ATRNL1: variants seen among roughly 807,000 people sequenced by gnomAD.
ATRNL1 encodes attractin like 1.
A neutral mutation model predicts 182.7 loss-of-function variants in ATRNL1; 95 were observed. The ratio of observed to expected loss-of-function variants is 0.52; its 90% CI spans 0.44 to 0.62. ATRNL1 has a LOEUF of 0.62. Among genes scored for constraint, ATRNL1 ranks in the 20% least tolerant of loss-of-function variants. The probability of loss-of-function intolerance (pLI) is 0.00; values close to 1 mark genes in which losing one functional copy is unlikely to be tolerated. For synonymous variants in ATRNL1, 576 were observed against 568.3 expected (o/e 1.01, Z -0.19); for missense variants, 1,471 against 1,679.5 (o/e 0.88, Z 2.17).
intron 26 of ATRNL1, among the ~76,000 whole-genome samples, chr10:115,709,168 T>C (rs1201596393): frequency 3.3e-5 from 5 of 151,888 alleles, no homozygotes; most frequent in Admixed American, 6.6e-5. Context: ...TCATTGACTT[T>C]ATAATAATTT....
chr10:115,162,805 A>G (rs1846855549), intron 6 of ATRNL1, among the ~76,000 whole-genome samples: 1 of 151,516 alleles, frequency 6.6e-6, no homozygotes, highest in African/African-American at 2.4e-5. Flanking sequence ...GAGATAGGAA[A>G]ACCTGGAGTA....
At chr10:115,109,708 G>A (rs1844178796) in intron 1 of ATRNL1, among the ~76,000 whole-genome samples, 1 of 152,072 alleles carries the variant, frequency 6.6e-6, no homozygotes, top group South Asian at 2.1e-4. Flanking sequence ...CCTCCTTTCT[G>A]TCTGAGATCT....
At position 115,460,494 on chromosome 10, in the gene ATRNL1, A is replaced by G. The variant is rs1847741821; in HGVS notation, c.3323-1447A>G. Among the ~76,000 whole-genome samples, 2 of 152,068 alleles carry G rather than the reference A, an allele frequency of 1.3e-5. 1 individual carries two copies. The highest frequency in any genetic ancestry group is 4.1e-4 in the South Asian group (2 of 4,822). On this transcript the variant is annotated intron_variant, in intron 21 of 28. Coordinates refer to ENST00000355044, the MANE Select transcript of ATRNL1 (RefSeq NM_207303.4). ...GCTAATCCTGTTTGCTGTACCTTCA[A>G]AATACATTCCCTGTATTTGACCACT...
chr10:115,453,988 C>T (rs1592681367), intron 21 of ATRNL1, among the ~76,000 whole-genome samples: 3 of 151,862 alleles, frequency 2.0e-5, no homozygotes, highest in Admixed American at 2.0e-4. Context: ...TTGTGAAGTT[C>T]TCTGTTGATA....
At chr10:115,254,116 A>G (rs1046282404) in intron 10 of ATRNL1, among the ~76,000 whole-genome samples, 3 of 152,178 alleles carry the variant, frequency 2.0e-5, no homozygotes, top group South Asian at 4.1e-4. Flanking sequence ...GTGTCTTTAT[A>G]GTAGCATGAT....
At chr10:115,753,224 G>C (rs2960733) in intron 27 of ATRNL1, among the ~76,000 whole-genome samples, 144,513 of 152,118 alleles carry the variant, frequency 0.95, 69,068 homozygotes, top group East Asian at 1. Context: ...TGTGCAGAAG[G>C]TGCAGGTTTG....
intron 19 of ATRNL1, among the ~76,000 whole-genome samples, chr10:115,357,502 A>AATATTGTTT (rs1856553950): frequency 6.6e-6 from 1 of 151,766 alleles, no homozygotes. Context: ...CTTCAGCATA[A>AATATTGTTT]ATATTGTTTA....
intron 1 of ATRNL1, among the ~76,000 whole-genome samples, chr10:115,115,186 A>G (rs900600502): frequency 2.0e-5 from 3 of 151,984 alleles, no homozygotes; most frequent in Admixed American, 6.6e-5. Flanking sequence ...ATTTGAATCA[A>G]TTGAAGTAGA....
chr10:115,753,500 TG>T (rs782148055), intron 27 of ATRNL1, among the ~76,000 whole-genome samples: 1 of 152,154 alleles, frequency 6.6e-6, no homozygotes, highest in Non-Finnish European at 1.5e-5. Context: ...GCAAAGGATG[TG>T]AACTCATCCT....
intron 27 of ATRNL1, 22 bp from the exon 28 acceptor site, chr10:115,847,853 CTT>C: frequency 7.0e-7 from 1 of 1,436,252 alleles, no homozygotes; most frequent in East Asian, 2.3e-5. Context: ...ATTTTGCAAA[CTT>C]AAAGTGGGTT....
intron 19 of ATRNL1, among the ~76,000 whole-genome samples, chr10:115,389,571 T>TATATAC (rs1843899251): frequency 8.4e-6 from 1 of 119,348 alleles, no homozygotes; most frequent in Non-Finnish European, 1.8e-5. Flanking sequence ...TATATATATA[T>TATATAC]ATATATATAT....
intron 1 of ATRNL1, among the ~76,000 whole-genome samples, chr10:115,095,640 A>T (rs1175740141): frequency 5.9e-5 from 9 of 152,144 alleles, no homozygotes; most frequent in Admixed American, 5.9e-4. Flanking sequence ...ATGCTGATTA[A>T]AAGTTTAAAA....
chr10:115,820,945 C>A (rs1371998587), intron 27 of ATRNL1, among the ~76,000 whole-genome samples: 1 of 152,072 alleles, frequency 6.6e-6, no homozygotes, highest in Non-Finnish European at 1.5e-5. Context: ...TTCCTCCATG[C>A]TGTTCTGATG....
chr10:115,310,598 AG>A (rs1853967241), intron 17 of ATRNL1, among the ~76,000 whole-genome samples: 1 of 152,124 alleles, frequency 6.6e-6, no homozygotes, highest in Admixed American at 6.5e-5. Context: ...CATTTCCACT[AG>A]ATTTTCTAGT....
intron 24 of ATRNL1, among the ~76,000 whole-genome samples, chr10:115,498,109 A>C (rs1403569636): frequency 2.0e-5 from 3 of 152,142 alleles, no homozygotes; most frequent in African/African-American, 7.2e-5. Context: ...CTTATTTCCC[A>C]CATTAGATTT....
intron 18 of ATRNL1, 145 bp from the exon 19 acceptor site, chr10:115,334,137 G>A (rs977712890): frequency 1.2e-5 from 6 of 482,112 alleles, no homozygotes. Context: ...TGAGCTATAT[G>A]TGTTATTAAT....
chr10:115,559,125 C>T (rs1289489309), intron 26 of ATRNL1, among the ~76,000 whole-genome samples: 1 of 152,158 alleles, frequency 6.6e-6, no homozygotes, highest in Non-Finnish European at 1.5e-5. Context: ...AACACCTCTG[C>T]TCAACACCCT....
intron 26 of ATRNL1, among the ~76,000 whole-genome samples, chr10:115,659,179 A>T (rs149204990): frequency 2.8e-4 from 43 of 152,128 alleles, no homozygotes; most frequent in Admixed American, 2.4e-3. Context: ...GGCTTCTAAT[A>T]ACCTTCCCTC....
At chr10:115,660,424 A>G (rs575982100) in intron 26 of ATRNL1, among the ~76,000 whole-genome samples, 2 of 152,284 alleles carry the variant, frequency 1.3e-5, no homozygotes, top group South Asian at 4.1e-4. Flanking sequence ...GTAATTATAT[A>G]GATAAGTGGG....
Sources: gnomAD v4.1 joint callset for allele counts (sites outside exome capture counted in the v4.1 genomes callset) on GRCh38, gnomAD v4.1.1 for gene constraint, MANE v1.5 for transcripts, NCBI Gene and HGNC (gene_info 2026-07-23, HGNC 2026-07-21) for gene names.